Variants in TXNDC16 observed in about 807,000 individuals in gnomAD.
TXNDC16 encodes thioredoxin domain-containing protein 16.
Under a neutral mutation model 85.6 loss-of-function variants are expected in TXNDC16, and 74 were observed. The ratio of observed to expected loss-of-function variants is 0.86; its 90% CI spans 0.72 to 1.05. The LOEUF (loss-of-function observed/expected upper bound fraction) is 1.05, where lower values mean the gene tolerates loss of function less well. TXNDC16 is among the 50% of genes least tolerant of loss of function. The pLI is 0.00. For synonymous variants in TXNDC16, 335 were observed against 326.5 expected, an observed-to-expected ratio of 1.03 and a Z score of -0.28; for missense variants, 959 against 947.0, an observed-to-expected ratio of 1.01 and a Z score of -0.17.
intron 9 of TXNDC16, among the ~76,000 whole-genome samples, chr14:52,500,546 G>A (rs964202956): frequency 1.3e-5 from 2 of 152,120 alleles, no homozygotes; most frequent in Non-Finnish European, 2.9e-5. Flanking sequence ...GTACAACAAC[G>A]TACATCAGCT....
At chr14:52,506,079 T>G (rs1371621022) in intron 9 of TXNDC16, among the ~76,000 whole-genome samples, 1 of 152,106 alleles carries the variant, frequency 6.6e-6, no homozygotes, top group Non-Finnish European at 1.5e-5. Context: ...AGGCAATAAT[T>G]AATAGCTTAC....
intron 9 of TXNDC16, among the ~76,000 whole-genome samples, chr14:52,502,086 T>A (rs2036672449): frequency 6.6e-6 from 1 of 152,206 alleles, no homozygotes; most frequent in African/African-American, 2.4e-5. Context: ...TAGGCTGACA[T>A]CAAGGTTTGA....
chr14:52,479,869 G>C (rs1374858516), intron 14 of TXNDC16, among the ~76,000 whole-genome samples: 1 of 151,974 alleles, frequency 6.6e-6, no homozygotes, highest in Non-Finnish European at 1.5e-5. Context: ...CCCAAAGTAA[G>C]ACTGAGCAAA....
intron 20 of TXNDC16, among the ~76,000 whole-genome samples, chr14:52,434,529 C>T (rs188611388): frequency 1.3e-5 from 2 of 152,262 alleles, no homozygotes; most frequent in East Asian, 3.9e-4. Context: ...CTAAAGCATA[C>T]AAATATCAGG....
At chr14:52,463,352 T>C (rs2035697071) in intron 16 of TXNDC16, among the ~76,000 whole-genome samples, 1 of 152,208 alleles carries the variant, frequency 6.6e-6, no homozygotes, top group Admixed American at 6.5e-5. Flanking sequence ...GGTCACTCTA[T>C]GCTTCCGGGG....
intron 16 of TXNDC16, among the ~76,000 whole-genome samples, 193 bp downstream of exon 16, chr14:52,469,844 C>A (rs530018587): frequency 6.0e-4 from 91 of 152,230 alleles, no homozygotes; most frequent in Middle Eastern, 3.4e-3. Flanking sequence ...TGTAGGTACA[C>A]AGAAAAAAGA....
chr14:52,495,435 A>C (rs1262876139), intron 9 of TXNDC16, among the ~76,000 whole-genome samples: 1 of 152,204 alleles, frequency 6.6e-6, no homozygotes, highest in East Asian at 1.9e-4. Context: ...TTAATGATAT[A>C]TGAAGTCATA....
At chr14:52,447,326 G>C (rs1213981572) in intron 18 of TXNDC16, among the ~76,000 whole-genome samples, 2 of 152,114 alleles carry the variant, frequency 1.3e-5, no homozygotes, top group Admixed American at 1.3e-4. Flanking sequence ...TCCTCTATCT[G>C]GTCCTGGAGG....
chr14:52,517,956 T>C (rs1422959567), intron 7 of TXNDC16, among the ~76,000 whole-genome samples: 1 of 152,190 alleles, frequency 6.6e-6, no homozygotes, highest in Non-Finnish European at 1.5e-5. Flanking sequence ...AAACTGTGCT[T>C]GTCAAGGTCA....
At position 52,482,917 on chromosome 14, in the gene TXNDC16, C is replaced by T. The variant is rs2140144746; in HGVS notation, c.1157G>A (p.Arg386Lys). Residue 386 changes from arginine (R) to lysine (K), a missense_variant, in exon 13 of 21, where the codon AGA becomes AAA. Transcript: ENST00000281741. ...VAETVFRDRK[R>K]KLPLELTVEL... ...CACTGTAAGTTCCAAAGGTAATTTT[C>T]TCTTCCTATCTCTGAAAACAGTTTC... The T allele has an allele frequency of 1.2e-6, 2 of 1,611,312 alleles. No homozygotes were observed. Among genetic ancestry groups the T allele is most frequent in the South Asian group, 1.1e-5 (1 of 90,868 alleles).
intron 6 of TXNDC16, among the ~76,000 whole-genome samples, chr14:52,527,031 C>T (rs2037352224): frequency 6.6e-6 from 1 of 152,210 alleles, no homozygotes; most frequent in African/African-American, 2.4e-5. Context: ...TTTCCATGTG[C>T]CCTGCCCCAT....
Position 52,514,879 on chromosome 14 carries a change from C to A in TXNDC16, c.605+1G>T. ...TGTTGACATATGCTTTTTATACATA[C>A]CCAATACTTTCCAAAAGGGCAATTT... On this transcript the variant is annotated splice_donor_variant, in intron 8 of 20. Transcript: ENST00000281741. LOFTEE classifies it high-confidence loss of function. 3 of 1,605,034 alleles carry A rather than the reference C, an allele frequency of 1.9e-6. No homozygotes were observed. The highest frequency in any genetic ancestry group is 2.6e-6 in the Non-Finnish European group (3 of 1,174,636).
At chr14:52,529,765 TTATA>T (rs1213847280) in intron 6 of TXNDC16, among the ~76,000 whole-genome samples, 2 of 118,174 alleles carry the variant, frequency 1.7e-5, no homozygotes, top group Non-Finnish European at 1.6e-5. Context: ...ATAATACCTA[TTATA>T]TATATACCTA....
intron 11 of TXNDC16, among the ~76,000 whole-genome samples, 170 bp from the exon 12 acceptor site, chr14:52,488,656 T>C (rs1003822754): frequency 6.6e-6 from 1 of 151,428 alleles, no homozygotes; most frequent in African/African-American, 2.4e-5. Flanking sequence ...GCCAACATGG[T>C]GAAACTGTCT....
intron 7 of TXNDC16, 55 bp from the exon 8 acceptor site, chr14:52,515,025 T>C: frequency 7.7e-7 from 1 of 1,299,926 alleles, no homozygotes; most frequent in Non-Finnish European, 1.1e-6. Context: ...TGTGTGACTC[T>C]ATGTAAACTT....
At chr14:52,504,091 T>G (rs531269579) in intron 9 of TXNDC16, among the ~76,000 whole-genome samples, 2 of 152,338 alleles carry the variant, frequency 1.3e-5, no homozygotes, top group East Asian at 3.9e-4. Context: ...AATCTACGTC[T>G]GACTGGTATA....
Position 52,536,738 on chromosome 14 carries a change from T to C in TXNDC16, c.373A>G (p.Ile125Val). 4.3e-6 allele frequency: 7 copies of C among 1,611,460 alleles called. No individual in the cohort carries two copies. The highest frequency in any genetic ancestry group is 5.9e-6 in the Non-Finnish European group (7 of 1,178,466). The part of the protein sequence containing the change: ...PTDTLFDVNA[I>V]VAHVLFALLF... ...ACTTACAAGAGAACATGGGCGACAA[T>C]GGCATTCACATCAAACAAGGTGTCA... The change falls in exon 6 of 21, where the codon ATT becomes GTT. Residue 125 changes from isoleucine to valine, a missense_variant. Transcript: ENST00000281741.
chr14:52,467,674 C>T (rs140092436), intron 16 of TXNDC16, among the ~76,000 whole-genome samples: 10 of 152,222 alleles, frequency 6.6e-5, no homozygotes, highest in South Asian at 2.1e-4. Flanking sequence ...GCAGCCAGGG[C>T]GGAAAATAGT....
Position 52,506,870 on chromosome 14 carries a change from A to T in TXNDC16, c.756+4370T>A, listed in dbSNP as rs563385286. On this transcript the variant is annotated intron_variant, in intron 9 of 20. Transcript: ENST00000281741. The stretch of plus-strand genomic sequence containing the variant: ...CGCACCCGGCCTTCAACAACCCTTC[A>T]TGCTAAAAACTCTCAACAACTTAGG... 2.0e-5 allele frequency among the ~76,000 whole-genome samples: 3 copies of T among 150,248 alleles called. No homozygotes were observed. In the South Asian group the frequency reaches 6.3e-4, roughly 31 times the overall value.
Sources: allele counts gnomAD v4.1 joint callset (sites outside exome capture counted in the v4.1 genomes callset), GRCh38; gene constraint gnomAD v4.1.1; transcripts MANE v1.5; gene names NCBI Gene and HGNC (gene_info 2026-07-23, HGNC 2026-07-21).